The following RADX variants were observed in gnomAD, a reference collection of about 807,000 sequenced individuals.
The protein encoded by RADX is RPA1 related single stranded DNA binding protein, X-linked, also known as RPA-related protein RADX.
In RADX, 36 loss-of-function variants were observed where a neutral mutation model predicts 61.6. That is an observed-to-expected ratio of 0.58 (90% CI 0.45 to 0.77). The LOEUF (loss-of-function observed/expected upper bound fraction) is 0.77, where lower values mean the gene tolerates loss of function less well. RADX is among the 30% of genes least tolerant of loss of function. RADX has a pLI of 0.00. For synonymous variants in RADX, 272 were observed against 237.9 expected, an observed-to-expected ratio of 1.14 and a Z score of -1.32; for missense variants, 497 against 651.1, an observed-to-expected ratio of 0.76 and a Z score of 2.58.
intron 13 of RADX, among the ~76,000 whole-genome samples, chrX:106,669,909 C>A (rs1426052919): frequency 1.8e-5 from 2 of 111,646 alleles, no homozygotes; most frequent in Non-Finnish European, 3.8e-5. Flanking sequence ...TTATAATTAC[C>A]CCATTCACGT....
chrX:106,623,799 C>T (rs1443145668), intron 2 of RADX, among the ~76,000 whole-genome samples: 1 of 111,475 alleles, frequency 9.0e-6, no homozygotes, highest in Non-Finnish European at 1.9e-5. Flanking sequence ...TAAATATTTT[C>T]TCATATCACT....
At chrX:106,628,667 G>A (rs912588334) in intron 3 of RADX, among the ~76,000 whole-genome samples, 3 of 102,338 alleles carry the variant, frequency 2.9e-5, no homozygotes, top group African/African-American at 1.1e-4. Context: ...TTTTTGATAC[G>A]GAGTCTTGCT....
chrX:106,674,620 A>G (rs994424158), intron 13 of RADX, among the ~76,000 whole-genome samples: 34 of 111,710 alleles, frequency 3.0e-4, no homozygotes, highest in African/African-American at 1.1e-3. Flanking sequence ...AGAAATATCT[A>G]CTCAAATGCT....
rs910035833 is a variant in RADX at position 106,625,346 on chromosome X, A to G, written c.979+64A>G. Reference sequence around the variant, plus strand: ...TGTTTATATAAATTTGCAATGTACCATATTAGGAAAAAAGACCACAAAAAT... The same window carrying G: ...TGTTTATATAAATTTGCAATGTACCGTATTAGGAAAAAAGACCACAAAAAT... On this transcript the variant is annotated intron_variant, in intron 3 of 13. Transcript: ENST00000372548. The G allele has an allele frequency of 3.8e-6, 3 of 788,238 alleles. No individual in the cohort carries two copies. In the Admixed American group the frequency reaches 1.1e-4, roughly 30 times the overall value. 65.0% of individuals were successfully genotyped at this position (788,238 alleles called of 1,213,427 possible). A position where few individuals can be genotyped will look rare whatever the true frequency, so the allele number is the denominator to read the frequency against.
chrX:106,627,701 A>G (rs1927105411), intron 3 of RADX, among the ~76,000 whole-genome samples: 1 of 111,356 alleles, frequency 9.0e-6, no homozygotes. Flanking sequence ...ATTCTTGGAG[A>G]ACATTATGCT....
intron 13 of RADX, among the ~76,000 whole-genome samples, chrX:106,672,076 T>C (rs1263512333): frequency 8.9e-6 from 1 of 111,909 alleles, no homozygotes; most frequent in Non-Finnish European, 1.9e-5. Flanking sequence ...TTGAATTCAC[T>C]GTCTTTTTCC....
Position 106,636,528 on chromosome X carries a change from GT to G in RADX, c.1304-10del. On this transcript the variant is annotated splice_polypyrimidine_tract_variant and intron_variant, in intron 6 of 13. Transcript: ENST00000372548. ...GAAATGGAAAAGTAATTTCATAAGT[GT>G]TTTTGTTCTCTAGTGGCATATTTTG... 2 of 1,046,938 alleles carry G rather than the reference GT, an allele frequency of 1.9e-6. No individual in the cohort carries two copies. The highest frequency in any genetic ancestry group is 2.7e-6 in the Non-Finnish European group (2 of 752,033). 86.3% of individuals were successfully genotyped at this position (1,046,938 alleles called of 1,213,427 possible).
rs1218223591 is a variant in RADX, at chrX:106,679,368, A to T, written c.*1110A>T. 3 of 112,098 alleles carry T rather than the reference A, an allele frequency of 2.7e-5. No homozygotes were observed. Among genetic ancestry groups the T allele is most frequent in the African/African-American group, 9.7e-5 (3 of 30,831 alleles). 9.2% of individuals were successfully genotyped at this position (112,098 alleles called of 1,213,427 possible). ...TCTTTTATTCTTTATAATTGTGTGT[A>T]AATGTTAACTAAACAGTGGATTCCT... is the stretch of plus-strand genomic sequence containing the variant. On this transcript the variant is annotated 3_prime_UTR_variant, in exon 14 of 14. Coordinates refer to ENST00000372548, the MANE Select transcript of RADX (RefSeq NM_018015.6).
intron 11 of RADX, among the ~76,000 whole-genome samples, chrX:106,660,642 G>A (rs925987474): frequency 7.1e-5 from 8 of 111,918 alleles, no homozygotes; most frequent in African/African-American, 2.6e-4. Flanking sequence ...TAGCAGAACT[G>A]TTGTTCCAAA....
At chrX:106,659,615 T>C (rs1385715016) in intron 11 of RADX, among the ~76,000 whole-genome samples, 1 of 111,824 alleles carries the variant, frequency 8.9e-6, no homozygotes, top group Non-Finnish European at 1.9e-5. Flanking sequence ...TTTTCCATCT[T>C]ATTTTTAGAA....
Position 106,637,900 on chromosome X carries a change from T to G in RADX, c.1549T>G (p.Ser517Ala). The G allele has an allele frequency of 8.3e-7, 1 of 1,206,461 alleles. No individual in the cohort carries two copies. Among genetic ancestry groups the G allele is most frequent in the Non-Finnish European group, 1.1e-6 (1 of 890,856 alleles). Residue 517 changes from serine (S) to alanine (A), a missense_variant, in exon 8 of 14, where the codon TCC (serine) becomes GCC (alanine). Transcript: ENST00000372548. ...YPYPPVPETFSKYSSSIKVES... is the reference protein window; with the variant it reads ...YPYPPVPETFAKYSSSIKVES... Reference sequence around the variant, plus strand: ...CTATCCACCAGTGCCAGAGACATTTTCCAAGTATAGTAGTTCTATTAAAGG... The same window carrying G: ...CTATCCACCAGTGCCAGAGACATTTGCCAAGTATAGTAGTTCTATTAAAGG...
At chrX:106,620,599 G>A (rs969572877) in intron 1 of RADX, among the ~76,000 whole-genome samples, 3 of 110,229 alleles carry the variant, frequency 2.7e-5, no homozygotes, top group East Asian at 2.9e-4. Flanking sequence ...ACTTAAACCC[G>A]GGAGGTGGAG....
chrX:106,631,706 A>C (rs1409560051), intron 3 of RADX, among the ~76,000 whole-genome samples: 1 of 107,258 alleles, frequency 9.3e-6, no homozygotes, highest in East Asian at 2.9e-4. Flanking sequence ...CCTGTCAAAA[A>C]AAAAAAAAAA....
At chrX:106,647,048 C>A (rs1241097196) in intron 10 of RADX, among the ~76,000 whole-genome samples, 1 of 110,195 alleles carries the variant, frequency 9.1e-6, no homozygotes, top group Non-Finnish European at 1.9e-5. Context: ...GGACTATAGT[C>A]ACCCTGTTGT....
chrX:106,652,019 CT>C (rs202037491), intron 11 of RADX, among the ~76,000 whole-genome samples: 21 of 105,624 alleles, frequency 2.0e-4, no homozygotes, highest in South Asian at 8.1e-4. Context: ...CCATCTCTCT[CT>C]TTTTTTTTTA....
intron 3 of RADX, among the ~76,000 whole-genome samples, chrX:106,626,881 T>A (rs1430189500): frequency 8.9e-6 from 1 of 111,750 alleles, no homozygotes; most frequent in Non-Finnish European, 1.9e-5. Context: ...CCTCTTTTTT[T>A]AGGAAGCAAT....
chrX:106,664,211 A>G (rs954388689), intron 12 of RADX, among the ~76,000 whole-genome samples: 1 of 97,044 alleles, frequency 1.0e-5, no homozygotes, highest in Admixed American at 1.0e-4. Context: ...GCAGGAAGGG[A>G]GAAGGGTTTT....
chrX:106,636,989 A>G (rs1468910215), intron 7 of RADX, among the ~76,000 whole-genome samples: 1 of 111,644 alleles, frequency 9.0e-6, no homozygotes, highest in Non-Finnish European at 1.9e-5. Flanking sequence ...GGATTCTGTT[A>G]ACAATATTTT....
chrX:106,619,363 T>A (rs1396016633), intron 1 of RADX, among the ~76,000 whole-genome samples: 1 of 111,597 alleles, frequency 9.0e-6, no homozygotes, highest in Non-Finnish European at 1.9e-5. Context: ...GTATTTAGGG[T>A]TTTTGCCATC....
Sources: gnomAD v4.1 joint callset for allele counts (sites outside exome capture counted in the v4.1 genomes callset) on GRCh38, gnomAD v4.1.1 for gene constraint, MANE v1.5 for transcripts, NCBI Gene and HGNC (gene_info 2026-07-23, HGNC 2026-07-21) for gene names.